Variants in ITSN2 observed in about 807,000 individuals in gnomAD.
ITSN2 encodes the protein intersectin-2.
A neutral mutation model predicts 243.7 loss-of-function variants in ITSN2; 156 were observed. The ratio of observed to expected loss-of-function variants is 0.64; its 90% CI spans 0.56 to 0.73. The LOEUF (loss-of-function observed/expected upper bound fraction) is 0.73. ITSN2 is among the 30% of genes least tolerant of loss of function. ITSN2 has a pLI of 0.00. For missense variants in ITSN2, 1,801 were observed against 1,996.1 expected (o/e 0.90, Z 1.86); for synonymous variants, 703 against 699.9 (o/e 1.00, Z -0.07).
chr2:24,278,163 C>T lies in ITSN2; in HGVS notation c.1945-2314G>A, dbSNP rs992515381. Among the ~76,000 whole-genome samples the T allele has an allele frequency of 2.0e-5, 3 of 152,318 alleles. No individual in the cohort carries two copies. In the South Asian group the frequency reaches 6.2e-4, roughly 32 times the overall value. Reference sequence around the variant, plus strand: ...TTAATGTCTGATCTCAACAAGGCTGCAGGCTTAGCCCTCCAACTTGTCCTT... The same window carrying T: ...TTAATGTCTGATCTCAACAAGGCTGTAGGCTTAGCCCTCCAACTTGTCCTT... On this transcript the variant is annotated intron_variant, in intron 17 of 39. Coordinates refer to ENST00000355123, the MANE Select transcript of ITSN2 (RefSeq NM_006277.3).
rs552352842 is a variant in ITSN2 at position 24,285,116 on chromosome 2, C to T, written c.1864-273G>A. Among the ~76,000 whole-genome samples the T allele has an allele frequency of 2.6e-5, 4 of 151,992 alleles. No individual in the cohort carries two copies. In the South Asian group the frequency reaches 6.2e-4, roughly 24 times the overall value. ...TTCACCATGTTGCCCAGGCTGGTCT[C>T]GATCTCTTGACCTCGTGATCCGCCC... On this transcript the variant is annotated intron_variant, in intron 16 of 39. Transcript: ENST00000355123.
intron 20 of ITSN2, among the ~76,000 whole-genome samples, chr2:24,263,532 C>G (rs969802314): frequency 6.6e-6 from 1 of 152,158 alleles, no homozygotes; most frequent in African/African-American, 2.4e-5. Flanking sequence ...CCATCACCCC[C>G]AAAAGTTTCC....
In ITSN2 at chr2:24,210,666, G is replaced by A. The variant is rs756998044; in HGVS notation, c.4257+114C>T. On this transcript the variant is annotated intron_variant, in intron 34 of 39. Coordinates refer to ENST00000355123, the MANE Select transcript of ITSN2 (RefSeq NM_006277.3). ...AAAATGCCTTTGCAGGGGCAGGGTG[G>A]TGAGTCCACGCAGGCTGCCTAAGGT... is the stretch of plus-strand genomic sequence containing the variant. 2.8e-4 allele frequency: 233 copies of A among 833,616 alleles called. 1 individual carries two copies. Among genetic ancestry groups the A allele is most frequent in the Non-Finnish European group, 9.5e-5 (53 of 559,820 alleles). 51.6% of individuals were successfully genotyped at this position (833,616 alleles called of 1,614,324 possible). A position where few individuals can be genotyped will look rare whatever the true frequency, so the allele number is the denominator to read the frequency against.
rs534737381 is a variant in ITSN2, at chr2:24,291,456, C to T, written c.1723+2232G>A. 3.3e-5 allele frequency among the ~76,000 whole-genome samples: 5 copies of T among 150,284 alleles called. No individual in the cohort carries two copies. In the South Asian group the frequency reaches 6.3e-4, roughly 19 times the overall value. On this transcript the variant is annotated intron_variant, in intron 15 of 39. Coordinates refer to ENST00000355123, the MANE Select transcript of ITSN2 (RefSeq NM_006277.3). The stretch of plus-strand genomic sequence containing the variant: ...TTCAGGAATCTTTCACGTCTATTAG[C>T]GAAGTGTTATAGCTGCATATTTCTT...
At position 24,204,393 on chromosome 2, in the gene ITSN2, G is replaced by C. The variant is rs535223480; in HGVS notation, c.4788C>G (p.Ile1596Met). 4.3e-6 allele frequency: 7 copies of C among 1,614,128 alleles called. No homozygotes were observed. In the South Asian group the frequency reaches 7.7e-5, roughly 18 times the overall value. Residue 1596 changes from isoleucine to methionine, a missense_variant, in exon 39 of 40, where the codon ATC (isoleucine) becomes ATG (methionine). Around this residue, in one of 5 missense-constraint regions of ITSN2, gnomAD observed 928 missense variants for 1,065.4 expected, o/e 0.87. Transcript: ENST00000355123. The surrounding 1 kb of genome is among the most constrained non-coding windows in gnomAD (Gnocchi z 5.1). ...TGGTGTAGCTCTGGGAGCCCATGCT[G>C]ATTTCACAGTATGGGTTGCTCTTTC... is the stretch of plus-strand genomic sequence containing the variant. ...PNGKSNPYCE[I>M]SMGSQSYTTR...
chr2:24,240,845 A>C (rs1672645601), intron 29 of ITSN2: 1 of 152,248 alleles, frequency 6.6e-6, no homozygotes. Flanking sequence ...AATATAGTAT[A>C]ATACTGTCTA....
At chr2:24,359,678 G>A (rs1035540116) in intron 1 of ITSN2, among the ~76,000 whole-genome samples, 2 of 151,980 alleles carry the variant, frequency 1.3e-5, no homozygotes, top group African/African-American at 4.8e-5. Flanking sequence ...TGGCCTGAGA[G>A]ATTACATCTC....
intron 25 of ITSN2, among the ~76,000 whole-genome samples, chr2:24,251,309 C>CAAAAAAAAAATAAAA (rs1275035112): frequency 0.095 from 2,099 of 21,988 alleles, 1,007 homozygotes; most frequent in East Asian, 0.21. Context: ...AACTCCATCT[C>CAAAAAAAAAATAAAA]AAAAAAAAAA....
At chr2:24,210,696 A>T in intron 34 of ITSN2, 84 bp downstream of exon 34, 1 of 1,312,276 alleles carries the variant, frequency 7.6e-7, no homozygotes, top group South Asian at 1.3e-5. Flanking sequence ...TAAGGTGCAG[A>T]CTGTCCACGT....
Position 24,246,833 on chromosome 2 carries a change from G to A in ITSN2, c.3349C>T (p.Pro1117Ser), listed in dbSNP as rs561513632. Residue 1117 changes from proline to serine, a missense_variant, in exon 28 of 40, where the codon CCA becomes TCA. By Grantham distance (74) the Pro-to-Ser change is moderately conservative (BLOSUM62 -1). Around this residue, in one of 5 missense-constraint regions of ITSN2, gnomAD observed 928 missense variants for 1,065.4 expected, o/e 0.87. Coordinates refer to ENST00000355123, the MANE Select transcript of ITSN2 (RefSeq NM_006277.3). ...FPASHVKLLG[P>S]SSERATPAFH... ...GCAGGTGTGGCTCTTTCACTACTTG[G>A]ACCCAAAAGTTTAACATGACTGGCA... 4.3e-6 allele frequency: 7 copies of A among 1,613,006 alleles called. No homozygotes were observed. The African/African-American group carries it at 6.7e-5, about 15-fold the overall frequency.
chr2:24,261,090 A>T lies in ITSN2; in HGVS notation c.2682+16T>A, dbSNP rs747768890. 5.4e-5 allele frequency: 87 copies of T among 1,600,268 alleles called. 1 individual carries two copies. The highest frequency in any genetic ancestry group is 7.2e-5 in the Non-Finnish European group (85 of 1,175,638). Reference sequence around the variant, plus strand: ...AATTCAAAGAATAAAGCCCACAAAAATAACAGACAACATACCTGTCCATGA... The same window carrying T: ...AATTCAAAGAATAAAGCCCACAAAATTAACAGACAACATACCTGTCCATGA... On this transcript the variant is annotated intron_variant, in intron 22 of 39. Coordinates refer to ENST00000355123, the MANE Select transcript of ITSN2 (RefSeq NM_006277.3).
intron 1 of ITSN2, among the ~76,000 whole-genome samples, chr2:24,351,858 A>C (rs1218373491): frequency 6.6e-6 from 1 of 152,180 alleles, no homozygotes; most frequent in African/African-American, 2.4e-5. Flanking sequence ...AAAGTGCAAG[A>C]GTAGTGAGGC....
Position 24,295,744 on chromosome 2 carries a change from G to A in ITSN2, c.1555C>T (p.Gln519Ter). The change falls in exon 14 of 40, where the codon CAA (glutamine) becomes TAA (stop). Residue 519 changes from glutamine to a stop codon, truncating the protein, a stop_gained. Coordinates refer to ENST00000355123, the MANE Select transcript of ITSN2 (RefSeq NM_006277.3). LOFTEE classifies it high-confidence loss of function. ...LQDVRLKKQT[Q>*]KTELEVLDKQ... ...TCCAGAACTTCCAGCTCAGTCTTTT[G>A]AGTTTGCTTTTTGAGTCGGACATCC... 6.4e-7 allele frequency: 1 copy of A among 1,567,002 alleles called. No individual in the cohort carries two copies. The highest frequency in any genetic ancestry group is 8.6e-7 in the Non-Finnish European group (1 of 1,162,754).
rs549330869 is a variant in ITSN2 at position 24,344,591 on chromosome 2, C to T, written c.-34+15713G>A. On this transcript the variant is annotated intron_variant, in intron 1 of 39. Coordinates refer to ENST00000355123, the MANE Select transcript of ITSN2 (RefSeq NM_006277.3). ...TATTTTGCCCATTTTCTATAGCATG[C>T]TGTTCAATGGAAATGCAACACAAAC... Among the ~76,000 whole-genome samples, 216 of 152,246 alleles carry T rather than the reference C, an allele frequency of 1.4e-3. 3 individuals carry two copies. The highest frequency in any genetic ancestry group is 5.1e-3 in the African/African-American group (210 of 41,546).
chr2:24,246,122 T>C lies in ITSN2; in HGVS notation c.3577+7A>G. 2 of 1,595,142 alleles carry C rather than the reference T, an allele frequency of 1.3e-6. No homozygotes were observed. Among genetic ancestry groups the C allele is most frequent in the Non-Finnish European group, 1.7e-6 (2 of 1,165,886 alleles). On this transcript the variant is annotated splice_region_variant and intron_variant, in intron 29 of 39. Coordinates refer to ENST00000355123, the MANE Select transcript of ITSN2 (RefSeq NM_006277.3). ...AGGTGAGAGAAAAATAATTTAATAT[T>C]ACTCACACTGTTGACTTGGATCTGA...
intron 18 of ITSN2, 89 bp from the exon 19 acceptor site, chr2:24,272,030 T>G (rs1677423383): frequency 9.0e-7 from 1 of 1,107,442 alleles, no homozygotes; most frequent in South Asian, 1.7e-5. Flanking sequence ...CCTGTCAAGG[T>G]GAAGAACTAG....
Position 24,210,258 on chromosome 2 carries a change from C to T in ITSN2, c.4258-225G>A. On this transcript the variant is annotated intron_variant, in intron 34 of 39. Transcript: ENST00000355123. Reference sequence around the variant, plus strand: ...TCTAGCCACAGAACACTGATTCTACCAGCTGAATTCAAAGAACTCAAAACA... The same window carrying T: ...TCTAGCCACAGAACACTGATTCTACTAGCTGAATTCAAAGAACTCAAAACA... The T allele has an allele frequency of 3.8e-6, 2 of 527,200 alleles. 1 individual carries two copies. The highest frequency in any genetic ancestry group is 5.0e-5 in the South Asian group (2 of 40,362). The allele number at this position is 527,200 out of a possible 1,614,324, so 32.7% of individuals were successfully genotyped here. A position where few individuals can be genotyped will look rare whatever the true frequency, so the allele number is the denominator to read the frequency against.
chr2:24,209,398 C>G (rs1669253687), intron 35 of ITSN2, among the ~76,000 whole-genome samples, 177 bp from the exon 36 acceptor site: 1 of 152,342 alleles, frequency 6.6e-6, no homozygotes, highest in Admixed American at 6.5e-5. Context: ...AACAATGAAG[C>G]CTCCATTTCT....
intron 10 of ITSN2, 33 bp from the exon 11 acceptor site, chr2:24,301,272 G>T: frequency 1.5e-6 from 2 of 1,358,008 alleles, no homozygotes; most frequent in Non-Finnish European, 2.1e-6. Context: ...TTAGCATCAT[G>T]TAGTCTGGAC....
Sources: gnomAD v4.1 joint callset for allele counts (sites outside exome capture counted in the v4.1 genomes callset) on GRCh38, gnomAD v4.1.1 for gene constraint, gnomAD v4.1.1 regional missense constraint, Gnocchi (gnomAD v3.1) non-coding constraint, MANE v1.5 for transcripts, NCBI Gene and HGNC (gene_info 2026-07-23, HGNC 2026-07-21) for gene names.